SORBS2: variants seen among roughly 807,000 people sequenced by gnomAD.
SORBS2 encodes sorbin and SH3 domain containing 2.
Under a neutral mutation model 97.7 loss-of-function variants are expected in SORBS2, and 46 were observed. The observed-to-expected ratio is 0.47, with a 90% CI of 0.37 to 0.60. SORBS2 has a LOEUF of 0.60. Among genes scored for constraint, SORBS2 ranks in the 20% least tolerant of loss-of-function variants. SORBS2 has a pLI of 0.00. For missense variants in SORBS2, 1,316 were observed against 1,282.3 expected (o/e 1.03, Z -0.40); for synonymous variants, 476 against 473.4 (o/e 1.01, Z -0.07).
chr4:185,822,080 G>A (rs1360207482), intron 1 of SORBS2, among the ~76,000 whole-genome samples: 1 of 152,222 alleles, frequency 6.6e-6, no homozygotes, highest in Non-Finnish European at 1.5e-5. Flanking sequence ...TGTTTCAAAT[G>A]TATTGAGATT....
intron 1 of SORBS2, among the ~76,000 whole-genome samples, chr4:185,786,996 TAGC>T (rs1222877126): frequency 3.1e-4 from 25 of 81,198 alleles, no homozygotes; most frequent in African/African-American, 1.4e-3. Flanking sequence ...AAAAAAAAAA[TAGC>T]AGACAACCCC....
Position 185,623,724 on chromosome 4 carries a change from CG to C in SORBS2, c.1404del (p.Ala469LeufsTer49). On this transcript the variant is annotated frameshift_variant, in exon 7 of 15. Transcript: ENST00000418609. LOFTEE classifies it high-confidence loss of function. The surrounding 1 kb of genome is among the most constrained non-coding windows in gnomAD (Gnocchi z 6.4). Reference sequence around the variant, plus strand: ...GACTGGCAGCCTCGCCGGCCCCGAGCGGGGGGGCCGCTTTGATTTTCTTCCT... The same window carrying C: ...GACTGGCAGCCTCGCCGGCCCCGAGCGGGGGGCCGCTTTGATTTTCTTCCT... The C allele has an allele frequency of 3.1e-6, 5 of 1,613,640 alleles. No individual in the cohort carries two copies. The highest frequency in any genetic ancestry group is 4.2e-6 in the Non-Finnish European group (5 of 1,179,988).
intron 1 of SORBS2, among the ~76,000 whole-genome samples, chr4:185,806,407 C>G (rs1308092760): frequency 1.3e-5 from 2 of 148,926 alleles, no homozygotes; most frequent in African/African-American, 5.0e-5. Context: ...AGGATCTTCA[C>G]GAGTGGCACA....
intron 1 of SORBS2, among the ~76,000 whole-genome samples, chr4:185,902,709 A>C (rs893716794): frequency 2.6e-5 from 4 of 151,866 alleles, no homozygotes; most frequent in South Asian, 2.1e-4. Flanking sequence ...AAAAAAGAAA[A>C]AGAAAGGAGC....
intron 4 of SORBS2, chr4:185,675,212 C>T (rs940291026): frequency 1.3e-5 from 2 of 152,216 alleles, no homozygotes; most frequent in African/African-American, 4.8e-5. Context: ...ATCACAAAAC[C>T]ATTCTGAAGA....
rs1166681520 is a variant in SORBS2 at position 185,623,428 on chromosome 4, G to A, written c.1701C>T (p.Ala567=). Reference sequence around the variant, plus strand: ...ACATTGTGGTAAATCGAGTGTAGGAGGCCGGGCACCTGCCTTTGCAGGAGC... The same window carrying A: ...ACATTGTGGTAAATCGAGTGTAGGAAGCCGGGCACCTGCCTTTGCAGGAGC... Residue 567 remains alanine, a synonymous_variant, in exon 7 of 15, where the codon GCC becomes GCT. Transcript: ENST00000418609. This position sits in a 1 kb window ranked among gnomAD's most constrained non-coding sequence, Gnocchi z 6.4. 8.1e-6 allele frequency: 13 copies of A among 1,611,396 alleles called. No individual in the cohort carries two copies. Among genetic ancestry groups the A allele is most frequent in the Non-Finnish European group, 1.1e-5 (13 of 1,180,024 alleles).
At chr4:185,701,836 T>A (rs2098267616) in intron 2 of SORBS2, among the ~76,000 whole-genome samples, 1 of 151,712 alleles carries the variant, frequency 6.6e-6, no homozygotes, top group Non-Finnish European at 1.5e-5. Context: ...AGTGGCGTGA[T>A]CTCAGCTCAC....
chr4:185,594,099 T>C (rs2096025793), intron 12 of SORBS2, 164 bp from the exon 25 acceptor site: 8 of 581,616 alleles, frequency 1.4e-5, no homozygotes, highest in South Asian at 2.2e-5. Context: ...GATTAATAAT[T>C]AAAATATTTA....
At chr4:185,785,182 G>A (rs757098669) in intron 1 of SORBS2, among the ~76,000 whole-genome samples, 22 of 149,568 alleles carry the variant, frequency 1.5e-4, no homozygotes, top group Non-Finnish European at 3.1e-4. Context: ...ATTTTGAAAA[G>A]GTTATTCAAG....
intron 4 of SORBS2, among the ~76,000 whole-genome samples, chr4:185,667,500 G>C (rs2097631241): frequency 6.6e-6 from 1 of 151,836 alleles, no homozygotes; most frequent in Non-Finnish European, 1.5e-5. Context: ...CCTTCTTTTG[G>C]GGAAATGCAC....
At position 185,642,026 on chromosome 4, in the gene SORBS2, C is replaced by T. The variant is rs190146286; in HGVS notation, c.396+4642G>A. 2.2e-3 allele frequency among the ~76,000 whole-genome samples: 331 copies of T among 152,228 alleles called. 2 individuals are homozygous for T. The highest frequency in any genetic ancestry group is 7.1e-3 in the African/African-American group (296 of 41,540). On this transcript the variant is annotated intron_variant, in intron 4 of 14. Transcript: ENST00000418609. ...ACGTTGTTCTAAACAAAAAGAAGTG[C>T]CAGGGCTATTTTGTTTTTCAAATTA...
chr4:185,798,500 T>C (rs2099115991), intron 1 of SORBS2, among the ~76,000 whole-genome samples: 1 of 152,170 alleles, frequency 6.6e-6, no homozygotes, highest in South Asian at 2.1e-4. Context: ...AAAAAACTCG[T>C]GGAGGCAGTT....
chr4:185,824,251 G>A (rs929234911), intron 1 of SORBS2, among the ~76,000 whole-genome samples: 1 of 152,142 alleles, frequency 6.6e-6, no homozygotes, highest in Non-Finnish European at 1.5e-5. Context: ...AGCAATCTTG[G>A]TGTTTCCTGA....
chr4:185,720,340 T>TTAAG (rs60550790), intron 2 of SORBS2, among the ~76,000 whole-genome samples: 122,564 of 151,840 alleles, frequency 0.81, 50,124 homozygotes, highest in Non-Finnish European at 0.89. Flanking sequence ...AATAGTTCCA[T>TTAAG]TTTATATTTA....
chr4:185,694,303 A>G (rs1304926166), intron 2 of SORBS2, among the ~76,000 whole-genome samples: 1 of 152,248 alleles, frequency 6.6e-6, no homozygotes, highest in Non-Finnish European at 1.5e-5. Flanking sequence ...GCATGCTGCT[A>G]GACAACAGCA....
At chr4:185,833,398 T>C (rs1004806339) in intron 1 of SORBS2, among the ~76,000 whole-genome samples, 6 of 152,238 alleles carry the variant, frequency 3.9e-5, no homozygotes, top group African/African-American at 1.4e-4. Context: ...ACATGGCTCC[T>C]GGGATTATCA....
chr4:185,770,520 C>T (rs1313550565), intron 2 of SORBS2, among the ~76,000 whole-genome samples: 3 of 152,110 alleles, frequency 2.0e-5, no homozygotes, highest in East Asian at 1.9e-4. Context: ...CTTCTTATTT[C>T]AGAGAAAAAC....
chr4:185,624,585 A>G (rs552268555), intron 6 of SORBS2, 91 bp from the exon 19 acceptor site: 3 of 1,352,560 alleles, frequency 2.2e-6, no homozygotes, highest in Non-Finnish European at 3.0e-6. Flanking sequence ...AAAGCATCAG[A>G]CAGCATAGCA....
chr4:185,622,709 A>C (rs2096737699), intron 7 of SORBS2, among the ~76,000 whole-genome samples: 1 of 152,232 alleles, frequency 6.6e-6, no homozygotes, highest in Non-Finnish European at 1.5e-5. Flanking sequence ...TGATCACTTT[A>C]AGCCACACAT....
Sources: gnomAD v4.1 joint callset for allele counts (sites outside exome capture counted in the v4.1 genomes callset) on GRCh38, gnomAD v4.1.1 for gene constraint, Gnocchi (gnomAD v3.1) non-coding constraint, MANE v1.5 for transcripts, NCBI Gene and HGNC (gene_info 2026-07-23, HGNC 2026-07-21) for gene names.